The following TRIM23 variants were observed in gnomAD, a reference collection of about 807,000 sequenced individuals.
TRIM23 encodes tripartite motif containing 23.
A neutral mutation model predicts 71.0 loss-of-function variants in TRIM23; 27 were observed. The observed-to-expected ratio is 0.38, with a 90% CI of 0.28 to 0.52. The LOEUF is 0.52. Ranked by LOEUF, TRIM23 falls within the 20% of genes least tolerant of loss-of-function variation. The pLI is 0.84. For synonymous variants in TRIM23, 234 were observed against 238.0 expected (o/e 0.98, Z 0.16); for missense variants, 482 against 692.3 (o/e 0.70, Z 3.41).
chr5:65,593,349 C>T (rs1182761220), intron 10 of TRIM23, among the ~76,000 whole-genome samples: 3 of 152,072 alleles, frequency 2.0e-5, no homozygotes, highest in Non-Finnish European at 4.4e-5. Flanking sequence ...GCAGAAGAAT[C>T]GCTTGAACCT....
At chr5:65,592,106 T>G (rs1043127030) in intron 10 of TRIM23, among the ~76,000 whole-genome samples, 158 bp from the exon 11 acceptor site, 1 of 152,166 alleles carries the variant, frequency 6.6e-6, no homozygotes, top group Non-Finnish European at 1.5e-5. Flanking sequence ...TTAATAAGAA[T>G]AGAAAAAATT....
chr5:65,613,417 A>C (rs910644066), intron 3 of TRIM23, among the ~76,000 whole-genome samples: 1 of 152,248 alleles, frequency 6.6e-6, no homozygotes, highest in Non-Finnish European at 1.5e-5. Context: ...TGTGGTTTGC[A>C]AGTTGATCAC....
At chr5:65,621,289 T>C (rs999953713) in intron 1 of TRIM23, among the ~76,000 whole-genome samples, 8 of 152,148 alleles carry the variant, frequency 5.3e-5, no homozygotes, top group Non-Finnish European at 8.8e-5. Context: ...GAGGCGGAGC[T>C]TGCAGTGAGC....
rs1203921861 is a variant in TRIM23 at position 65,623,161 on chromosome 5, T to C, written c.81+1033A>G. 3.3e-5 allele frequency among the ~76,000 whole-genome samples: 5 copies of C among 152,212 alleles called. No individual in the cohort carries two copies. In the East Asian group the frequency reaches 7.7e-4, roughly 23 times the overall value. On this transcript the variant is annotated intron_variant, in intron 1 of 10. Coordinates refer to ENST00000231524, the MANE Select transcript of TRIM23 (RefSeq NM_001656.4). ...GCTGTCATATAAAACCAACATTACCTGAATAATCATAGGTGTCTACTTTTC... is the reference window on the plus strand; with the variant it reads ...GCTGTCATATAAAACCAACATTACCCGAATAATCATAGGTGTCTACTTTTC...
intron 10 of TRIM23, among the ~76,000 whole-genome samples, chr5:65,592,446 C>T (rs1394918963): frequency 2.0e-5 from 3 of 151,922 alleles, no homozygotes; most frequent in South Asian, 4.1e-4. Context: ...AGGCTGGTCT[C>T]GAACTCCTGA....
At chr5:65,609,809 C>T (rs1172986644) in intron 5 of TRIM23, among the ~76,000 whole-genome samples, 1 of 152,196 alleles carries the variant, frequency 6.6e-6, no homozygotes, top group African/African-American at 2.4e-5. Flanking sequence ...GGAAATTCAA[C>T]TGTTTATAAA....
intron 6 of TRIM23, among the ~76,000 whole-genome samples, chr5:65,605,283 T>G (rs189997064): frequency 1.2e-4 from 19 of 152,278 alleles, no homozygotes; most frequent in Non-Finnish European, 2.4e-4. Context: ...GAATAAACCA[T>G]AGCTACACGT....
chr5:65,605,732 A>G (rs1433072836), intron 6 of TRIM23, among the ~76,000 whole-genome samples: 1 of 152,210 alleles, frequency 6.6e-6, no homozygotes, highest in Non-Finnish European at 1.5e-5. Flanking sequence ...ATACCAACAT[A>G]GTCTTTATAT....
chr5:65,614,038 G>A, intron 3 of TRIM23, 60 bp downstream of exon 3: 2 of 1,586,346 alleles, frequency 1.3e-6, no homozygotes. Context: ...GCTAATAATG[G>A]CATCTATTAA....
chr5:65,611,543 C>A, intron 4 of TRIM23, 60 bp downstream of exon 4: 2 of 1,549,832 alleles, frequency 1.3e-6, no homozygotes, highest in Non-Finnish European at 1.7e-6. Context: ...TCAGTGAAAA[C>A]GAATACTGAG....
chr5:65,610,930 TC>T lies in TRIM23; in HGVS notation c.758del (p.Gly253GlufsTer55), dbSNP rs776875724. 1 of 1,613,922 alleles carries T rather than the reference TC, an allele frequency of 6.2e-7. No homozygotes were observed. Among genetic ancestry groups the T allele is most frequent in the East Asian group, 2.2e-5 (1 of 44,856 alleles). Reference sequence around the variant, plus strand: ...CTCCTCCTTCAATGTGCTGCACAATTCCAACTAATTTTCTGGAATAATCTGA... The same window carrying T: ...CTCCTCCTTCAATGTGCTGCACAATTCAACTAATTTTCTGGAATAATCTGA... The part of the protein sequence containing the change: ...EISDYSRKLV[G>X]IVQHIEGGEQ... On this transcript the variant is annotated frameshift_variant, in exon 5 of 11. Transcript: ENST00000231524. LOFTEE classifies it high-confidence loss of function.
chr5:65,621,147 T>C (rs1446311535), intron 1 of TRIM23, among the ~76,000 whole-genome samples: 3 of 152,150 alleles, frequency 2.0e-5, no homozygotes, highest in Non-Finnish European at 1.5e-5. Context: ...GGTCAGGAGA[T>C]TGAGACCATC....
rs36135 is a variant in TRIM23, at chr5:65,594,652, A to C, written c.1421-7T>G. 961,534 of 1,496,862 alleles carry C rather than the reference A, an allele frequency of 0.64. 308,358 individuals are homozygous for C. Among genetic ancestry groups the C allele is most frequent in the South Asian group, 0.66 (50,003 of 75,810 alleles). The allele number at this position is 1,496,862 out of a possible 1,614,324, so 92.7% of individuals were successfully genotyped here. On this transcript the variant is annotated splice_region_variant and splice_polypyrimidine_tract_variant and intron_variant, in intron 9 of 10. Coordinates refer to ENST00000231524, the MANE Select transcript of TRIM23 (RefSeq NM_001656.4). ...TCTACAACAAACACAACAGCTACCCAAAAAAAAATAAAAAAAACAAAAATA... is the reference window on the plus strand; with the variant it reads ...TCTACAACAAACACAACAGCTACCCCAAAAAAAATAAAAAAAACAAAAATA...
chr5:65,609,538 A>AGGCAACATGGCAACATGGCAACAT, intron 5 of TRIM23, 80 bp from the exon 6 acceptor site: 1 of 1,420,904 alleles, frequency 7.0e-7, no homozygotes, highest in Non-Finnish European at 9.5e-7. Context: ...ATTTCAGCCT[A>AGGCAACATGGCAACATGGCAACAT]GGCAACATGG....
At chr5:65,600,554 A>G (rs1754332824) in intron 7 of TRIM23, among the ~76,000 whole-genome samples, 2 of 152,086 alleles carry the variant, frequency 1.3e-5, no homozygotes, top group Admixed American at 1.3e-4. Context: ...CTCCTAGAAG[A>G]AAAAACAGAG....
chr5:65,606,972 A>T (rs991991050), intron 6 of TRIM23: 2 of 152,246 alleles, frequency 1.3e-5, no homozygotes, highest in Non-Finnish European at 2.9e-5. Flanking sequence ...ATATATTTTA[A>T]ATACATGGCA....
At chr5:65,601,336 G>A (rs1754360013) in intron 7 of TRIM23, among the ~76,000 whole-genome samples, 1 of 152,114 alleles carries the variant, frequency 6.6e-6, no homozygotes, top group Non-Finnish European at 1.5e-5. Context: ...ACCCAAGACT[G>A]GGAAGAAAAA....
In TRIM23 at chr5:65,590,254, A is replaced by G; in HGVS notation, c.*1515T>C. The G allele has an allele frequency of 9.4e-7, 1 of 1,063,344 alleles. No homozygotes were observed. The allele number at this position is 1,063,344 out of a possible 1,614,324, so 65.9% of individuals were successfully genotyped here. ...CAAATATTAAATAATTTAATTCGGA[A>G]GTATTATTTATGCACACAAACTACA... On this transcript the variant is annotated 3_prime_UTR_variant, in exon 11 of 11. Transcript: ENST00000231524.
chr5:65,590,765 A>G lies in TRIM23; in HGVS notation c.*1004T>C. 1 of 985,460 alleles carries G rather than the reference A, an allele frequency of 1.0e-6. No individual in the cohort carries two copies. Among genetic ancestry groups the G allele is most frequent in the Non-Finnish European group, 1.2e-6 (1 of 829,964 alleles). The allele number at this position is 985,460 out of a possible 1,614,324, so 61.0% of individuals were successfully genotyped here. On this transcript the variant is annotated 3_prime_UTR_variant, in exon 11 of 11. Transcript: ENST00000231524. ...AACAGCCTTAAGTTTTATTGTCAAA[A>G]TAAATGCACTTATTTTGGGAAACAG...
Sources: gnomAD v4.1 joint callset for allele counts (sites outside exome capture counted in the v4.1 genomes callset) on GRCh38, gnomAD v4.1.1 for gene constraint, MANE v1.5 for transcripts, NCBI Gene and HGNC (gene_info 2026-07-23, HGNC 2026-07-21) for gene names.